Variants in DLGAP2 observed in about 807,000 individuals in gnomAD.
DLGAP2 encodes disks large-associated protein 2.
DLGAP2 carries 26 observed loss-of-function variants against 100.3 expected under a neutral mutation model. That is an observed-to-expected ratio of 0.26 (90% confidence interval 0.19 to 0.36). DLGAP2 has a LOEUF of 0.36. Ranked by LOEUF, DLGAP2 falls within the 10% of genes least tolerant of loss-of-function variation. The pLI is 1.00. For synonymous variants in DLGAP2, 886 were observed against 630.1 expected (o/e 1.41, Z -6.08); for missense variants, 1,858 against 1,453.2 (o/e 1.28, Z -4.53).
At chr8:1,195,796 C>T (rs1177073814) in intron 2 of DLGAP2, among the ~76,000 whole-genome samples, 1 of 152,200 alleles carries the variant, frequency 6.6e-6, no homozygotes, top group South Asian at 2.1e-4. Context: ...GTGGCGCGTT[C>T]CCCGGAGTGC....
At chr8:1,591,708 C>T (rs866127789) in intron 6 of DLGAP2, among the ~76,000 whole-genome samples, 2 of 152,146 alleles carry the variant, frequency 1.3e-5, no homozygotes, top group Non-Finnish European at 2.9e-5. Context: ...CCAGTTTACA[C>T]CCCACACACC....
chr8:1,302,760 G>A (rs1413019994), intron 3 of DLGAP2, among the ~76,000 whole-genome samples: 1 of 152,252 alleles, frequency 6.6e-6, no homozygotes, highest in African/African-American at 2.4e-5. Flanking sequence ...CTCTTGCCCC[G>A]CCTGGGGACC....
In DLGAP2 at chr8:1,430,027, T is replaced by TATATATATATATATATAC. The variant is rs1282725274; in HGVS notation, c.107-71338_107-71337insTATATATATATATATACA. On this transcript the variant is annotated intron_variant, in intron 3 of 14. Coordinates refer to ENST00000637795, the MANE Select transcript of DLGAP2 (RefSeq NM_001346810.2). ...ATATACATATATATATATATATATA[T>TATATATATATATATATAC]ACACACACACACATATGAACTTAGA... Among the ~76,000 whole-genome samples, 68 of 76,872 alleles carry TATATATATATATATATAC rather than the reference T, an allele frequency of 8.8e-4. 1 individual carries two copies. Among genetic ancestry groups the TATATATATATATATATAC allele is most frequent in the Non-Finnish European group, 1.4e-3 (56 of 40,138 alleles). 50.4% of individuals were successfully genotyped at this position (76,872 alleles called of 152,430 possible).
intron 3 of DLGAP2, among the ~76,000 whole-genome samples, chr8:1,356,855 C>T (rs1404320667): frequency 3.3e-5 from 5 of 152,190 alleles, no homozygotes; most frequent in African/African-American, 1.2e-4. Flanking sequence ...GGATAACAGC[C>T]AAGCCCGCAC....
intron 1 of DLGAP2, among the ~76,000 whole-genome samples, chr8:868,358 G>A (rs952122220): frequency 1.3e-5 from 2 of 152,146 alleles, no homozygotes; most frequent in African/African-American, 4.8e-5. Context: ...TACTTACAAG[G>A]TCACCTAGCA....
chr8:1,539,522 C>T (rs1359627292), intron 4 of DLGAP2, among the ~76,000 whole-genome samples: 2 of 152,168 alleles, frequency 1.3e-5, no homozygotes, highest in Non-Finnish European at 2.9e-5. Flanking sequence ...AAGCGCGACG[C>T]AGAGTGGACT....
chr8:1,129,041 A>C (rs1481304179), intron 2 of DLGAP2, among the ~76,000 whole-genome samples: 1 of 152,230 alleles, frequency 6.6e-6, no homozygotes, highest in African/African-American at 2.4e-5. Flanking sequence ...AAATCAAAAC[A>C]AACTCACAAT....
At chr8:1,491,988 G>C (rs1446391328) in intron 3 of DLGAP2, among the ~76,000 whole-genome samples, 1 of 152,212 alleles carries the variant, frequency 6.6e-6, no homozygotes, top group Non-Finnish European at 1.5e-5. Flanking sequence ...CTCCGCTGTC[G>C]TGCGCCTTTG....
At chr8:774,621 C>A (rs1329965657) in intron 1 of DLGAP2, among the ~76,000 whole-genome samples, 1 of 150,772 alleles carries the variant, frequency 6.6e-6, no homozygotes, top group East Asian at 1.9e-4. Context: ...TTCCCCATTG[C>A]TTGTTTTTCT....
chr8:1,042,006 T>A (rs1802368712), intron 2 of DLGAP2, among the ~76,000 whole-genome samples: 1 of 152,214 alleles, frequency 6.6e-6, no homozygotes, highest in African/African-American at 2.4e-5. Context: ...GAGGTAATTC[T>A]GTGTCCCCTA....
At chr8:1,002,357 A>T (rs1800984758) in intron 2 of DLGAP2, 2 of 152,246 alleles carry the variant, frequency 1.3e-5, no homozygotes, top group South Asian at 4.1e-4. Context: ...TAACTTGTTT[A>T]ACTAGATGCA....
intron 2 of DLGAP2, among the ~76,000 whole-genome samples, chr8:981,888 C>G (rs1702770775): frequency 2.0e-5 from 3 of 152,210 alleles, no homozygotes; most frequent in Admixed American, 6.5e-5. Flanking sequence ...AGAGTTTGAA[C>G]TTTAACGTTG....
intron 2 of DLGAP2, among the ~76,000 whole-genome samples, chr8:1,156,386 G>A (rs560225551): frequency 1.3e-5 from 2 of 152,266 alleles, no homozygotes; most frequent in South Asian, 4.1e-4. Context: ...CACTCTGGAC[G>A]CCCCTGGGTC....
chr8:1,020,275 AAAGTGACCGTT>A (rs1311579961), intron 2 of DLGAP2, among the ~76,000 whole-genome samples: 3 of 152,196 alleles, frequency 2.0e-5, no homozygotes, highest in Non-Finnish European at 4.4e-5. Flanking sequence ...AGCGTATTAG[AAAGTGACCGTT>A]AATTGCTAAC....
chr8:1,173,726 C>A (rs950645527), intron 2 of DLGAP2, among the ~76,000 whole-genome samples: 6 of 152,280 alleles, frequency 3.9e-5, no homozygotes, highest in African/African-American at 1.4e-4. Context: ...TTTTTAAGCC[C>A]ATCGGAAAAA....
chr8:910,856 GA>G (rs766121333), intron 2 of DLGAP2, among the ~76,000 whole-genome samples: 1 of 152,082 alleles, frequency 6.6e-6, no homozygotes, highest in Non-Finnish European at 1.5e-5. Flanking sequence ...CTATAAAAAG[GA>G]TCGCCAAGCA....
chr8:837,192 C>G (rs898939151), intron 1 of DLGAP2, among the ~76,000 whole-genome samples: 1 of 152,152 alleles, frequency 6.6e-6, no homozygotes, highest in South Asian at 2.1e-4. Flanking sequence ...GCTCAGGCCT[C>G]GGGATCTCGC....
chr8:1,624,127 T>C (rs2130764278), intron 6 of DLGAP2, among the ~76,000 whole-genome samples: 1 of 152,316 alleles, frequency 6.6e-6, no homozygotes. Context: ...TTTTATGTTT[T>C]CTCAGTCTAG....
intron 2 of DLGAP2, among the ~76,000 whole-genome samples, chr8:1,236,900 ATGTTTAGTTCTCTCACATGGTGCCG>A (rs1798667338): frequency 2.5e-5 from 2 of 80,588 alleles, no homozygotes; most frequent in African/African-American, 5.1e-5. Context: ...ACATGGCGCC[ATGTTTAGTTCTCTCACATGGTGCCG>A]TGTCTAGTTC....
Sources: gnomAD v4.1 joint callset for allele counts (sites outside exome capture counted in the v4.1 genomes callset) on GRCh38, gnomAD v4.1.1 for gene constraint, MANE v1.5 for transcripts, NCBI Gene and HGNC (gene_info 2026-07-23, HGNC 2026-07-21) for gene names.